Variants in LARS2 observed in about 807,000 individuals in gnomAD.
LARS2 encodes the protein leucyl-tRNA synthetase 2, mitochondrial, also known as leucine--tRNA ligase, mitochondrial.
LARS2 carries 81 observed loss-of-function variants against 116.6 expected under a neutral mutation model. The observed-to-expected ratio is 0.69, with a 90% CI of 0.58 to 0.84. LARS2 has a LOEUF of 0.84. LARS2 is among the 40% of genes least tolerant of loss of function. The pLI, the probability that LARS2 is intolerant of heterozygous loss-of-function variation, is 0.00. For synonymous variants in LARS2, 396 were observed against 407.2 expected, an observed-to-expected ratio of 0.97 and a Z score of 0.33; for missense variants, 968 against 1,114.5, an observed-to-expected ratio of 0.87 and a Z score of 1.87.
chr3:45,395,240 T>TG (rs1240710904), intron 3 of LARS2, among the ~76,000 whole-genome samples: 1 of 152,234 alleles, frequency 6.6e-6, no homozygotes, highest in East Asian at 1.9e-4. Context: ...CATCATGGTT[T>TG]GGGGCACACC....
intron 15 of LARS2, among the ~76,000 whole-genome samples, chr3:45,500,900 C>G (rs1053348024): frequency 3.3e-5 from 5 of 152,040 alleles, no homozygotes; most frequent in Admixed American, 2.0e-4. Flanking sequence ...TCATGCTTAT[C>G]ACCCAGTCCT....
intron 6 of LARS2, among the ~76,000 whole-genome samples, chr3:45,443,557 C>T (rs1034983953): frequency 2.0e-5 from 3 of 152,018 alleles, no homozygotes; most frequent in Non-Finnish European, 2.9e-5. Context: ...TACTGAAGGT[C>T]GGTCGGTGGC....
chr3:45,473,695 T>C (rs1477233901), intron 8 of LARS2, among the ~76,000 whole-genome samples: 1 of 151,560 alleles, frequency 6.6e-6, no homozygotes, highest in African/African-American at 2.4e-5. Flanking sequence ...GTTGTTGTTT[T>C]TTTTTTTTTT....
At chr3:45,408,389 CCT>C (rs1475979944) in intron 4 of LARS2, among the ~76,000 whole-genome samples, 1 of 152,226 alleles carries the variant, frequency 6.6e-6, no homozygotes. Context: ...GGCCCCCACT[CCT>C]CTCTGATCTC....
chr3:45,460,242 C>G (rs1260926794), intron 8 of LARS2, among the ~76,000 whole-genome samples: 1 of 152,294 alleles, frequency 6.6e-6, no homozygotes, highest in Middle Eastern at 3.4e-3. Flanking sequence ...TGCCTTGCTC[C>G]TTTTAAGCAC....
chr3:45,513,338 T>A, intron 16 of LARS2, 103 bp downstream of exon 16: 1 of 798,408 alleles, frequency 1.3e-6, no homozygotes, highest in Non-Finnish European at 2.2e-6. Flanking sequence ...GTGGGGAGGA[T>A]GCAGGAGAGA....
At chr3:45,458,435 G>A (rs1185726938) in intron 7 of LARS2, among the ~76,000 whole-genome samples, 4 of 152,198 alleles carry the variant, frequency 2.6e-5, no homozygotes, top group Admixed American at 2.0e-4. Context: ...GCTCACGCCT[G>A]TAATCCCAGC....
chr3:45,451,942 T>C (rs564055794), intron 7 of LARS2, among the ~76,000 whole-genome samples: 1 of 152,266 alleles, frequency 6.6e-6, no homozygotes, highest in African/African-American at 2.4e-5. Flanking sequence ...CTAGGTATTT[T>C]ATTTGTAACT....
rs1156814528 is a variant in LARS2, at chr3:45,484,603, CAAAAAAAAAAAAA to C, written c.1019-1073_1019-1061del. The stretch of plus-strand genomic sequence containing the variant: ...TGACATAGCAAGACCCCTGTCTCTA[CAAAAAAAAAAAAA>C]AAAAAAAAAAAAAAATATATATATA... On this transcript the variant is annotated intron_variant, in intron 10 of 21. Coordinates refer to ENST00000645846, the MANE Select transcript of LARS2 (RefSeq NM_015340.4). Among the ~76,000 whole-genome samples, 39 of 14,712 alleles carry C rather than the reference CAAAAAAAAAAAAA, an allele frequency of 2.7e-3. 2 individuals carry two copies. The highest frequency in any genetic ancestry group is 6.2e-3 in the South Asian group (1 of 162). The allele number at this position is 14,712 out of a possible 152,430, so 9.7% of individuals were successfully genotyped here.
intron 10 of LARS2, among the ~76,000 whole-genome samples, chr3:45,483,531 C>T (rs531848845): frequency 6.6e-6 from 1 of 152,190 alleles, no homozygotes; most frequent in African/African-American, 2.4e-5. Context: ...TGCCTGTAAT[C>T]CCAGCTACTT....
intron 14 of LARS2, 130 bp downstream of exon 14, chr3:45,496,503 G>T: frequency 1.4e-6 from 1 of 727,860 alleles, no homozygotes; most frequent in Non-Finnish European, 2.4e-6. Context: ...AAGGGGAGAA[G>T]AGGAGGAGTG....
chr3:45,409,446 G>A (rs1698290926), intron 4 of LARS2, among the ~76,000 whole-genome samples: 1 of 152,180 alleles, frequency 6.6e-6, no homozygotes, highest in East Asian at 1.9e-4. Context: ...TCTGAACGGT[G>A]CATGAGACAT....
intron 8 of LARS2, among the ~76,000 whole-genome samples, chr3:45,464,940 C>T (rs1480740185): frequency 6.6e-6 from 1 of 152,160 alleles, no homozygotes; most frequent in Non-Finnish European, 1.5e-5. Context: ...TTTATCCCCA[C>T]CATGCCCCTC....
At chr3:45,417,714 G>A in intron 5 of LARS2, 141 bp downstream of exon 5, 2 of 591,880 alleles carry the variant, frequency 3.4e-6, no homozygotes, top group Non-Finnish European at 6.0e-6. Context: ...GTATATTGGT[G>A]TTTGTCTTTT....
intron 5 of LARS2, among the ~76,000 whole-genome samples, chr3:45,418,031 A>ATGGCCACT (rs796118354): frequency 2.6e-5 from 4 of 152,332 alleles, no homozygotes; most frequent in South Asian, 4.1e-4. Context: ...GTAGAAATAT[A>ATGGCCACT]TGGCCACTTT....
intron 8 of LARS2, among the ~76,000 whole-genome samples, chr3:45,473,254 A>T (rs1445586399): frequency 6.6e-6 from 1 of 152,240 alleles, no homozygotes; most frequent in African/African-American, 2.4e-5. Context: ...TTTTTATTGT[A>T]AAATGAAATA....
intron 8 of LARS2, 66 bp downstream of exon 8, chr3:45,458,952 T>TG: frequency 6.6e-7 from 1 of 1,526,294 alleles, no homozygotes; most frequent in East Asian, 2.3e-5. Context: ...CAAAGGCTTC[T>TG]GGGTATGAGA....
intron 10 of LARS2, among the ~76,000 whole-genome samples, chr3:45,482,707 A>T (rs1699724635): frequency 6.6e-6 from 1 of 152,208 alleles, no homozygotes; most frequent in Non-Finnish European, 1.5e-5. Context: ...CCTTAACCAA[A>T]CACTTTTATT....
chr3:45,428,304 C>T (rs1426764766), intron 6 of LARS2, among the ~76,000 whole-genome samples: 3 of 119,096 alleles, frequency 2.5e-5, no homozygotes, highest in Non-Finnish European at 4.8e-5. Context: ...AGTGCAGTGG[C>T]GCGATCTTGG....
Sources: allele counts gnomAD v4.1 joint callset (sites outside exome capture counted in the v4.1 genomes callset), GRCh38; gene constraint gnomAD v4.1.1; transcripts MANE v1.5; gene names NCBI Gene and HGNC (gene_info 2026-07-23, HGNC 2026-07-21).